FOXK1: variants seen among roughly 807,000 people sequenced by gnomAD.
FOXK1 encodes forkhead box protein K1.
In FOXK1, 19 loss-of-function variants were observed where a neutral mutation model predicts 51.9. The observed-to-expected ratio is 0.37, with a 90% CI of 0.26 to 0.54. FOXK1 has a LOEUF of 0.54. Ranked by LOEUF, FOXK1 falls within the 20% of genes least tolerant of loss-of-function variation. FOXK1 has a pLI of 0.87. For missense variants in FOXK1, 870 were observed against 1,032.7 expected (o/e 0.84, Z 2.16); for synonymous variants, 537 against 482.6 (o/e 1.11, Z -1.48).
intron 7 of FOXK1, 71 bp downstream of exon 7, chr7:4,759,666 A>G (rs945433282): frequency 3.3e-5 from 49 of 1,469,072 alleles, no homozygotes; most frequent in Non-Finnish European, 4.0e-5. Flanking sequence ...TCCCCAAGGC[A>G]GCGCCATTGG....
chr7:4,755,351 C>G lies in FOXK1; in HGVS notation c.1018C>G (p.Pro340Ala). 1.2e-6 allele frequency: 2 copies of G among 1,613,710 alleles called. No individual in the cohort carries two copies. Among genetic ancestry groups the G allele is most frequent in the East Asian group, 2.2e-5 (1 of 44,890 alleles). The change falls in exon 4 of 9, where the codon CCC becomes GCC. Residue 340 changes from proline to alanine, a missense_variant. Transcript: ENST00000328914. This position sits in a 1 kb window ranked among gnomAD's most constrained non-coding sequence, Gnocchi z 6.6. ...CTACGCCCACATCACCAAGCATTAC[C>G]CCTACTACCGGACGGCCGACAAAGG... ...GIYAHITKHY[P>A]YYRTADKGWQ...
chr7:4,766,340 C>T lies in FOXK1; in HGVS notation c.*3876C>T, dbSNP rs1451262601. On this transcript the variant is annotated 3_prime_UTR_variant, in exon 9 of 9. Transcript: ENST00000328914. The surrounding 1 kb of genome is among the most constrained non-coding windows in gnomAD (Gnocchi z 5.5). ...TGGTGTGGGGTCCCCATGTAGAGAC[C>T]CTCAGGTCCCTATCCAGAGACCCTC... is the stretch of plus-strand genomic sequence containing the variant. 6.6e-6 allele frequency: 1 copy of T among 152,186 alleles called. No individual in the cohort carries two copies. Among genetic ancestry groups the T allele is most frequent in the African/African-American group, 2.4e-5 (1 of 41,422 alleles). 9.4% of individuals were successfully genotyped at this position (152,186 alleles called of 1,614,324 possible).
In FOXK1 at chr7:4,682,809, C is replaced by T. The variant is rs765752450; in HGVS notation, c.501C>T (p.Gly167=). 6.3e-6 allele frequency: 10 copies of T among 1,585,614 alleles called. No homozygotes were observed. Among genetic ancestry groups the T allele is most frequent in the Non-Finnish European group, 8.5e-6 (10 of 1,173,160 alleles). ...HFYLRCLGKN[G]VFVDGAFQRR... ...ACCTGCGCTGCCTCGGCAAGAACGG[C>T]GTCTTCGTGGACGGGGCCTTCCAGA... Residue 167 remains glycine (G), a synonymous_variant, in exon 1 of 9, where the codon GGC becomes GGT. Transcript: ENST00000328914. The surrounding 1 kb of genome is among the most constrained non-coding windows in gnomAD (Gnocchi z 7.6).
At chr7:4,757,234 C>G in intron 5 of FOXK1, 47 bp downstream of exon 5, 1 of 1,522,778 alleles carries the variant, frequency 6.6e-7, no homozygotes, top group Non-Finnish European at 8.9e-7. Context: ...GAAAGCTGAG[C>G]TGCCCTGGAG....
In FOXK1 at chr7:4,683,875, C is replaced by T. The variant is rs1172534948; in HGVS notation, c.560+1007C>T. 3.3e-5 allele frequency among the ~76,000 whole-genome samples: 5 copies of T among 152,162 alleles called. No individual in the cohort carries two copies. The highest frequency in any genetic ancestry group is 5.9e-5 in the Non-Finnish European group (4 of 68,012). ...CTGTGCTGAAGGAGCAGAGGCCTGG[C>T]GGGGAGGGGCGAGGACAGGAAGCCT... On this transcript the variant is annotated intron_variant, in intron 1 of 8. Transcript: ENST00000328914. This position sits in a 1 kb window ranked among gnomAD's most constrained non-coding sequence, Gnocchi z 4.5.
Position 4,709,231 on chromosome 7 carries a change from G to T in FOXK1, c.560+26363G>T, listed in dbSNP as rs979539496. On this transcript the variant is annotated intron_variant, in intron 1 of 8. Transcript: ENST00000328914. The surrounding 1 kb of genome is among the most constrained non-coding windows in gnomAD (Gnocchi z 5.6). ...CCTTACCCACGCTATTTGCTGCCTG[G>T]CATCCCCACCCTGTCATCCCGAGAA... is the stretch of plus-strand genomic sequence containing the variant. 2.0e-5 allele frequency among the ~76,000 whole-genome samples: 3 copies of T among 152,108 alleles called. No homozygotes were observed. Among genetic ancestry groups the T allele is most frequent in the African/African-American group, 7.2e-5 (3 of 41,430 alleles).
In FOXK1 at chr7:4,740,847, C is replaced by T; in HGVS notation, c.570C>T (p.Phe190=). ...PALQLPKQCT[F]RFPSTAIKIQ... is the part of the protein sequence containing the mutation. ...CCTCCTCCTGTTGCAGGTGTACCTT[C>T]CGGTTTCCCAGCACGGCCATCAAGA... The change falls in exon 2 of 9, where the codon TTC becomes TTT. Residue 190 remains phenylalanine (F), a synonymous_variant. Coordinates refer to ENST00000328914, the MANE Select transcript of FOXK1 (RefSeq NM_001037165.2). The T allele has an allele frequency of 6.3e-7, 1 of 1,593,514 alleles. No homozygotes were observed. Among genetic ancestry groups the T allele is most frequent in the Non-Finnish European group, 8.5e-7 (1 of 1,171,248 alleles).
chr7:4,742,912 G>A (rs1780653406), intron 2 of FOXK1, among the ~76,000 whole-genome samples: 1 of 152,186 alleles, frequency 6.6e-6, no homozygotes, highest in African/African-American at 2.4e-5. Context: ...GCCAGTGGGT[G>A]GGAGTGTCTC....
rs1357438119 is a variant in FOXK1, at chr7:4,762,419, A to C, written c.2157A>C (p.Gly719=). 1 of 1,549,008 alleles carries C rather than the reference A, an allele frequency of 6.5e-7. No homozygotes were observed. The highest frequency in any genetic ancestry group is 8.7e-7 in the Non-Finnish European group (1 of 1,146,904). ...GTGGTGCTGTAACCACACCGGCTGG[A>C]GTGATCGCAGCTGCCGGCCCCCAGG... The part of the protein sequence containing the change: ...EPSGAVTTPA[G]VIAAAGPQGP... The change falls in exon 9 of 9, where the codon GGA becomes GGC. Residue 719 remains glycine (G), a synonymous_variant. Coordinates refer to ENST00000328914, the MANE Select transcript of FOXK1 (RefSeq NM_001037165.2). This position sits in a 1 kb window ranked among gnomAD's most constrained non-coding sequence, Gnocchi z 5.7.
chr7:4,757,163 C>G lies in FOXK1; in HGVS notation c.1220C>G (p.Thr407Ser). Residue 407 changes from threonine (T) to serine (S), a missense_variant, in exon 5 of 9, where the codon ACC (threonine) becomes AGC (serine). Physicochemically the swap from Thr to Ser is moderately conservative, Grantham distance 58 (BLOSUM62 1). Transcript: ENST00000328914. Reference sequence around the variant, plus strand: ...CAGAGGGGTGTCTCCTGCTTCCGCACCCCCTTCGGGCCTCTGTCCTCAAGG... The same window carrying G: ...CAGAGGGGTGTCTCCTGCTTCCGCAGCCCCTTCGGGCCTCTGTCCTCAAGG... ...RRQRGVSCFRTPFGPLSSRSA... is the reference protein window; with the variant it reads ...RRQRGVSCFRSPFGPLSSRSA... 1 of 1,611,024 alleles carries G rather than the reference C, an allele frequency of 6.2e-7. No homozygotes were observed. The highest frequency in any genetic ancestry group is 8.5e-7 in the Non-Finnish European group (1 of 1,179,164).
chr7:4,750,286 A>T (rs538305249), intron 2 of FOXK1, among the ~76,000 whole-genome samples: 1 of 152,108 alleles, frequency 6.6e-6, no homozygotes, highest in South Asian at 2.1e-4. Context: ...GGGGGGCCTG[A>T]CCGAGGCCTG....
At chr7:4,696,448 C>A (rs549311153) in intron 1 of FOXK1, among the ~76,000 whole-genome samples, 1 of 152,152 alleles carries the variant, frequency 6.6e-6, no homozygotes, top group Non-Finnish European at 1.5e-5. Flanking sequence ...ACATGTCTGT[C>A]GTCTACCCGT....
intron 1 of FOXK1, among the ~76,000 whole-genome samples, chr7:4,712,839 G>A (rs1245234238): frequency 6.6e-6 from 1 of 152,222 alleles, no homozygotes; most frequent in East Asian, 1.9e-4. Context: ...GCGGCGTGAT[G>A]AGGATGGAGT....
At chr7:4,702,456 C>T (rs1023571956) in intron 1 of FOXK1, among the ~76,000 whole-genome samples, 2 of 152,148 alleles carry the variant, frequency 1.3e-5, no homozygotes, top group Non-Finnish European at 2.9e-5. Flanking sequence ...GATTCTCCTG[C>T]CTCAGCCTCC....
intron 1 of FOXK1, among the ~76,000 whole-genome samples, chr7:4,704,461 A>C (rs1780057105): frequency 6.6e-6 from 1 of 151,770 alleles, no homozygotes; most frequent in Admixed American, 6.6e-5. Context: ...AAAAAAAAAA[A>C]AAAAAAAGAA....
chr7:4,757,404 G>T (rs1780868472), intron 5 of FOXK1, among the ~76,000 whole-genome samples: 3 of 152,034 alleles, frequency 2.0e-5, no homozygotes, highest in Admixed American at 1.3e-4. Flanking sequence ...GAGGCAAGTG[G>T]ATCACCTGAG....
intron 2 of FOXK1, among the ~76,000 whole-genome samples, chr7:4,742,076 G>A (rs1394154004): frequency 3.3e-5 from 5 of 152,280 alleles, no homozygotes; most frequent in East Asian, 1.9e-4. Flanking sequence ...GTGGCTGCGC[G>A]TGGTTTGGTG....
At chr7:4,713,813 CT>C (rs1294614935) in intron 1 of FOXK1, among the ~76,000 whole-genome samples, 2 of 149,924 alleles carry the variant, frequency 1.3e-5, no homozygotes, top group Non-Finnish European at 3.0e-5. Context: ...TGAGTTTTTT[CT>C]TTTTTTCTTT....
Position 4,750,276 on chromosome 7 carries a change from G to T in FOXK1, c.747-4183G>T, listed in dbSNP as rs573587636. Among the ~76,000 whole-genome samples the T allele has an allele frequency of 1.6e-3, 249 of 152,220 alleles. 1 individual carries two copies. Among genetic ancestry groups the T allele is most frequent in the African/African-American group, 5.6e-3 (232 of 41,532 alleles). Reference sequence around the variant, plus strand: ...CCACACCTGGGCAGCTAGGGACTGGGGGGGGCCTGACCGAGGCCTGGGGTA... The same window carrying T: ...CCACACCTGGGCAGCTAGGGACTGGTGGGGGCCTGACCGAGGCCTGGGGTA... On this transcript the variant is annotated intron_variant, in intron 2 of 8. Transcript: ENST00000328914.
Sources: gnomAD v4.1 joint callset for allele counts (sites outside exome capture counted in the v4.1 genomes callset) on GRCh38, gnomAD v4.1.1 for gene constraint, Gnocchi (gnomAD v3.1) non-coding constraint, MANE v1.5 for transcripts, NCBI Gene and HGNC (gene_info 2026-07-23, HGNC 2026-07-21) for gene names.